MARCHF1: variants seen among roughly 807,000 people sequenced by gnomAD.
MARCHF1 encodes the protein E3 ubiquitin-protein ligase MARCHF1.
In MARCHF1, 40 loss-of-function variants were observed where a neutral mutation model predicts 54.2. The observed-to-expected ratio is 0.74, with a 90% CI of 0.57 to 0.96. The LOEUF (loss-of-function observed/expected upper bound fraction) is 0.96, where lower values mean the gene tolerates loss of function less well. MARCHF1 is among the 40% of genes least tolerant of loss of function. The pLI is 0.00. For synonymous variants in MARCHF1, 236 were observed against 236.3 expected, an observed-to-expected ratio of 1.00 and a Z score of 0.01; for missense variants, 586 against 656.5, an observed-to-expected ratio of 0.89 and a Z score of 1.17.
At chr4:164,105,310 C>T (rs1316539265) in intron 2 of MARCHF1, among the ~76,000 whole-genome samples, 1 of 137,778 alleles carries the variant, frequency 7.3e-6, no homozygotes, top group African/African-American at 2.7e-5. Flanking sequence ...ATTGCCAAGT[C>T]AATCCTAAGC....
At chr4:163,727,929 C>T (rs1161819839) in intron 4 of MARCHF1, among the ~76,000 whole-genome samples, 1 of 151,804 alleles carries the variant, frequency 6.6e-6, no homozygotes, top group Non-Finnish European at 1.5e-5. Context: ...TCAAGTGATC[C>T]TCCCTCCTGG....
chr4:163,693,752 A>G (rs1744534133), intron 5 of MARCHF1, among the ~76,000 whole-genome samples: 1 of 152,184 alleles, frequency 6.6e-6, no homozygotes, highest in Admixed American at 6.5e-5. Context: ...GAGCTTAATA[A>G]CACATGTTAT....
chr4:164,149,747 T>C (rs1040346684), intron 1 of MARCHF1, among the ~76,000 whole-genome samples: 1 of 152,170 alleles, frequency 6.6e-6, no homozygotes, highest in Non-Finnish European at 1.5e-5. Flanking sequence ...AATGAGAAGA[T>C]TCTAGAGCAT....
chr4:164,042,805 G>A (rs1754156999), intron 2 of MARCHF1, among the ~76,000 whole-genome samples: 2 of 152,194 alleles, frequency 1.3e-5, no homozygotes, highest in Non-Finnish European at 2.9e-5. Context: ...AAGATACAAT[G>A]GGGGTACAGG....
At chr4:163,808,840 A>G (rs1250839035) in intron 4 of MARCHF1, among the ~76,000 whole-genome samples, 1 of 152,162 alleles carries the variant, frequency 6.6e-6, no homozygotes, top group African/African-American at 2.4e-5. Context: ...AAGTGCCGGG[A>G]TTACAGGTCT....
chr4:163,650,130 C>G (rs940123592), intron 5 of MARCHF1, among the ~76,000 whole-genome samples: 1 of 151,798 alleles, frequency 6.6e-6, no homozygotes, highest in Non-Finnish European at 1.5e-5. Flanking sequence ...TTTATAAACA[C>G]ACGTATTTTT....
At chr4:163,631,444 C>T (rs550877371) in intron 5 of MARCHF1, among the ~76,000 whole-genome samples, 3 of 152,236 alleles carry the variant, frequency 2.0e-5, no homozygotes, top group Admixed American at 1.3e-4. Context: ...CTTTCACCCT[C>T]GGCCTCCCAA....
At chr4:164,302,953 G>A (rs1394064644) in intron 1 of MARCHF1, among the ~76,000 whole-genome samples, 3 of 151,896 alleles carry the variant, frequency 2.0e-5, no homozygotes, top group African/African-American at 7.3e-5. Flanking sequence ...GCAGGATGAG[G>A]GAGTTCAGAT....
intron 3 of MARCHF1, among the ~76,000 whole-genome samples, chr4:163,855,477 C>T (rs899491757): frequency 6.6e-6 from 1 of 152,188 alleles, no homozygotes; most frequent in Non-Finnish European, 1.5e-5. Flanking sequence ...AATATTTCCT[C>T]ATTCCCAGTA....
At chr4:163,658,887 C>A (rs1203842518) in intron 5 of MARCHF1, among the ~76,000 whole-genome samples, 4 of 151,754 alleles carry the variant, frequency 2.6e-5, no homozygotes, top group African/African-American at 9.7e-5. Flanking sequence ...CAGCAAACCA[C>A]TATGGCACAT....
At chr4:164,284,336 G>C (rs1392161292) in intron 1 of MARCHF1, among the ~76,000 whole-genome samples, 1 of 121,646 alleles carries the variant, frequency 8.2e-6, no homozygotes, top group Non-Finnish European at 1.7e-5. Context: ...GAGAGAGACA[G>C]AGAGAGAGAG....
At chr4:163,851,005 T>C (rs751793272) in intron 4 of MARCHF1, among the ~76,000 whole-genome samples, 6 of 152,116 alleles carry the variant, frequency 3.9e-5, no homozygotes, top group Admixed American at 2.0e-4. Flanking sequence ...AAAAGTTCCA[T>C]TTGTGTAACA....
At chr4:164,346,321 T>C (rs1730094698) in intron 1 of MARCHF1, among the ~76,000 whole-genome samples, 1 of 152,156 alleles carries the variant, frequency 6.6e-6, no homozygotes, top group African/African-American at 2.4e-5. Flanking sequence ...AAGTCAAATG[T>C]TATTAAATAG....
At chr4:163,912,974 G>C (rs1479870801) in intron 3 of MARCHF1, among the ~76,000 whole-genome samples, 3 of 152,154 alleles carry the variant, frequency 2.0e-5, no homozygotes, top group African/African-American at 4.8e-5. Context: ...GCTCTTCCTA[G>C]ATAAATGACA....
chr4:163,524,685 AGTCT>A (rs1486523059), downstream of MARCHF1: 2 of 152,234 alleles, frequency 1.3e-5, no homozygotes, highest in Non-Finnish European at 2.9e-5. Flanking sequence ...TACAAATATC[AGTCT>A]GTTAGGCAAA....
chr4:163,873,476 G>A (rs1290799198), intron 3 of MARCHF1, among the ~76,000 whole-genome samples: 1 of 152,118 alleles, frequency 6.6e-6, no homozygotes, highest in Non-Finnish European at 1.5e-5. Flanking sequence ...TAAGAGTCAG[G>A]CTTTTGACAG....
intron 5 of MARCHF1, among the ~76,000 whole-genome samples, chr4:163,641,299 A>C (rs1021710712): frequency 6.6e-6 from 1 of 152,188 alleles, no homozygotes; most frequent in Non-Finnish European, 1.5e-5. Flanking sequence ...AAATCAAATA[A>C]GAATACTATA....
intron 5 of MARCHF1, among the ~76,000 whole-genome samples, chr4:163,700,325 C>T (rs560381374): frequency 2.0e-4 from 31 of 151,842 alleles, no homozygotes; most frequent in African/African-American, 7.2e-4. Context: ...GTCAACATGG[C>T]GAAACCCCAT....
rs1560823695 is a variant in MARCHF1, at chr4:163,929,954, AT to A, written c.-39+58546del. 6.1e-3 allele frequency among the ~76,000 whole-genome samples: 609 copies of A among 99,972 alleles called. 6 individuals are homozygous for A. Among genetic ancestry groups the A allele is most frequent in the Middle Eastern group, 8.5e-3 (2 of 236 alleles). 65.6% of individuals were successfully genotyped at this position (99,972 alleles called of 152,430 possible). A position where few individuals can be genotyped will look rare whatever the true frequency, so the allele number is the denominator to read the frequency against. On this transcript the variant is annotated intron_variant, in intron 3 of 9. Transcript: ENST00000514618. ...TATATTATATATTTATATTATATATATTATATATAATATATATAATATATAT... is the reference window on the plus strand; with the variant it reads ...TATATTATATATTTATATTATATATATATATATAATATATATAATATATAT...
Sources: gnomAD v4.1 joint callset for allele counts (sites outside exome capture counted in the v4.1 genomes callset) on GRCh38, gnomAD v4.1.1 for gene constraint, MANE v1.5 for transcripts, NCBI Gene and HGNC (gene_info 2026-07-23, HGNC 2026-07-21) for gene names.